Variants in PRKN observed in about 807,000 individuals in gnomAD.
PRKN encodes the protein parkin RBR E3 ubiquitin protein ligase, also known as E3 ubiquitin-protein ligase parkin.
PRKN carries 56 observed loss-of-function variants against 59.5 expected under a neutral mutation model. The ratio of observed to expected loss-of-function variants is 0.94; its 90% CI spans 0.76 to 1.18. PRKN has a LOEUF of 1.18. Among genes scored for constraint, PRKN ranks in the 50% most tolerant of loss-of-function variants. PRKN has a pLI of 0.00. For missense variants in PRKN, 657 were observed against 596.4 expected (o/e 1.10, Z -1.06); for synonymous variants, 250 against 222.1 (o/e 1.13, Z -1.12).
At chr6:162,165,457 A>G (rs934803042) in intron 4 of PRKN, among the ~76,000 whole-genome samples, 1 of 149,506 alleles carries the variant, frequency 6.7e-6, no homozygotes, top group Admixed American at 6.7e-5. Flanking sequence ...TTCCAGAACA[A>G]TATATACATT....
intron 7 of PRKN, among the ~76,000 whole-genome samples, chr6:161,779,440 C>CTTTTTTTGTTTTT (rs1790102732): frequency 2.4e-5 from 1 of 41,848 alleles, no homozygotes; most frequent in Non-Finnish European, 3.9e-5. Context: ...CTTTTCTTTT[C>CTTTTTTTGTTTTT]TTTTTTTTTT....
intron 4 of PRKN, among the ~76,000 whole-genome samples, chr6:162,079,380 A>G (rs922964085): frequency 6.6e-6 from 1 of 152,108 alleles, no homozygotes; most frequent in African/African-American, 2.4e-5. Context: ...TTGTTCTTGT[A>G]ATTTGTAAAT....
chr6:161,401,243 C>T lies in PRKN; in HGVS notation c.1084-14366G>A, dbSNP rs1338915456. Among the ~76,000 whole-genome samples the T allele has an allele frequency of 2.0e-5, 3 of 152,114 alleles. No individual in the cohort carries two copies. The highest frequency in any genetic ancestry group is 6.5e-5 in the Admixed American group (1 of 15,278). Reference sequence around the variant, plus strand: ...ACTTTCATTTGTGATAGTTCAGTCACGTCCTGGGGAATTGAGGAGAAGATC... The same window carrying T: ...ACTTTCATTTGTGATAGTTCAGTCATGTCCTGGGGAATTGAGGAGAAGATC... On this transcript the variant is annotated intron_variant, in intron 9 of 11. Transcript: ENST00000366898. This position sits in a 1 kb window ranked among gnomAD's most constrained non-coding sequence, Gnocchi z 4.4.
chr6:162,598,503 A>C (rs1329975418), intron 1 of PRKN, among the ~76,000 whole-genome samples: 1 of 152,204 alleles, frequency 6.6e-6, no homozygotes, highest in East Asian at 1.9e-4. Context: ...GTAAATAATA[A>C]TTAGTTCTAT....
intron 2 of PRKN, among the ~76,000 whole-genome samples, chr6:162,361,500 G>A (rs1315674883): frequency 6.6e-6 from 1 of 152,114 alleles, no homozygotes; most frequent in Admixed American, 6.6e-5. Context: ...CAATCACCTT[G>A]ATCTTGAACG....
chr6:162,084,670 G>A (rs2128294423), intron 4 of PRKN, among the ~76,000 whole-genome samples: 1 of 152,142 alleles, frequency 6.6e-6, no homozygotes, highest in Non-Finnish European at 1.5e-5. Context: ...TTACACTACT[G>A]CTATATTCAA....
intron 7 of PRKN, among the ~76,000 whole-genome samples, chr6:161,651,796 T>C (rs1408340937): frequency 1.3e-5 from 2 of 152,212 alleles, no homozygotes; most frequent in Non-Finnish European, 2.9e-5. Context: ...TGTCTCTATA[T>C]ACTGTTTCTT....
At chr6:162,375,144 T>C (rs1161698641) in intron 2 of PRKN, among the ~76,000 whole-genome samples, 3 of 152,126 alleles carry the variant, frequency 2.0e-5, no homozygotes, top group African/African-American at 7.2e-5. Context: ...GACTGTCCCA[T>C]TTATTTTAAA....
chr6:162,437,779 T>C (rs1789849427), intron 2 of PRKN, among the ~76,000 whole-genome samples: 1 of 152,190 alleles, frequency 6.6e-6, no homozygotes, highest in Non-Finnish European at 1.5e-5. Context: ...TTTTTACTGC[T>C]GAGTAATATT....
chr6:161,733,798 G>GTATATATATATATATA lies in PRKN; in HGVS notation c.871+51958_871+51973dup, dbSNP rs10597402. Among the ~76,000 whole-genome samples the GTATATATATATATATA allele has an allele frequency of 1.9e-4, 23 of 122,364 alleles. No individual in the cohort carries two copies. The East Asian group carries it at 4.0e-3, about 21-fold the overall frequency. 80.3% of individuals were successfully genotyped at this position (122,364 alleles called of 152,430 possible). A position where few individuals can be genotyped will look rare whatever the true frequency, so the allele number is the denominator to read the frequency against. The stretch of plus-strand genomic sequence containing the variant: ...AAAAAAAAAAAATATATATATATAT[G>GTATATATATATATATA]TATATATATATATATATATATATGT... On this transcript the variant is annotated intron_variant, in intron 7 of 11. Transcript: ENST00000366898.
In PRKN at chr6:162,373,607, T is replaced by G. The variant is rs527662320; in HGVS notation, c.171+69703A>C. On this transcript the variant is annotated intron_variant, in intron 2 of 11. Coordinates refer to ENST00000366898, the MANE Select transcript of PRKN (RefSeq NM_004562.3). ...GAAAAAGAAAGTTATGAGAAACTGA[T>G]GACTGCCTATGTAATACTTCCTTTA... Among the ~76,000 whole-genome samples the G allele has an allele frequency of 1.1e-3, 165 of 152,292 alleles. 4 individuals are homozygous for G. The South Asian group carries it at 0.033, about 31-fold the overall frequency.
Position 161,718,084 on chromosome 6 carries a change from T to C in PRKN, c.871+67688A>G, listed in dbSNP as rs150493706. 7.9e-4 allele frequency among the ~76,000 whole-genome samples: 121 copies of C among 152,338 alleles called. 1 individual carries two copies. Among genetic ancestry groups the C allele is most frequent in the African/African-American group, 2.5e-3 (106 of 41,576 alleles). ...TTATAAATATTTTATATTCATACAA[T>C]GTGCCTTGCGATGGTTGGAAGATAC... On this transcript the variant is annotated intron_variant, in intron 7 of 11. Coordinates refer to ENST00000366898, the MANE Select transcript of PRKN (RefSeq NM_004562.3).
At chr6:162,043,505 G>C (rs1784142469) in intron 5 of PRKN, among the ~76,000 whole-genome samples, 2 of 152,158 alleles carry the variant, frequency 1.3e-5, no homozygotes, top group South Asian at 4.1e-4. Flanking sequence ...CTTCACAAAT[G>C]GACAAATGGA....
chr6:161,891,202 G>T (rs546891674), intron 6 of PRKN, among the ~76,000 whole-genome samples: 2 of 152,256 alleles, frequency 1.3e-5, no homozygotes, highest in African/African-American at 4.8e-5. Flanking sequence ...GGACCCCAGG[G>T]GGGCCACAGC....
chr6:162,380,437 A>G (rs1478020627), intron 2 of PRKN, among the ~76,000 whole-genome samples: 1 of 124,492 alleles, frequency 8.0e-6, no homozygotes, highest in Admixed American at 7.8e-5. Context: ...ATGTGTGTAT[A>G]TATATATATG....
chr6:162,527,927 C>G (rs554799244), intron 1 of PRKN, among the ~76,000 whole-genome samples: 1 of 151,968 alleles, frequency 6.6e-6, no homozygotes, highest in African/African-American at 2.4e-5. Flanking sequence ...GCCTGGGCCT[C>G]CTTCCACCAC....
In PRKN at chr6:162,719,100, C is replaced by T. The variant is rs565373486; in HGVS notation, c.7+8562G>A. 2.2e-4 allele frequency among the ~76,000 whole-genome samples: 34 copies of T among 152,256 alleles called. No homozygotes were observed. In the South Asian group the frequency reaches 4.1e-3, roughly 19 times the overall value. ...GTGGAAAGCCCACAACAGATCTCTACGAAATATCACTCTCTGTATCATATG... is the reference window on the plus strand; with the variant it reads ...GTGGAAAGCCCACAACAGATCTCTATGAAATATCACTCTCTGTATCATATG... On this transcript the variant is annotated intron_variant, in intron 1 of 11. Transcript: ENST00000366898.
chr6:161,960,262 T>G (rs1192011122), intron 6 of PRKN, among the ~76,000 whole-genome samples: 1 of 152,220 alleles, frequency 6.6e-6, no homozygotes, highest in Non-Finnish European at 1.5e-5. Flanking sequence ...AGGCAAAAGA[T>G]GGCAGAGCCA....
chr6:162,156,738 C>A (rs910019924), intron 4 of PRKN, among the ~76,000 whole-genome samples: 4 of 152,116 alleles, frequency 2.6e-5, no homozygotes, highest in East Asian at 1.9e-4. Context: ...CACCCAGGAA[C>A]AATACTTTGC....
Sources: gnomAD v4.1 joint callset for allele counts (sites outside exome capture counted in the v4.1 genomes callset) on GRCh38, gnomAD v4.1.1 for gene constraint, Gnocchi (gnomAD v3.1) non-coding constraint, MANE v1.5 for transcripts, NCBI Gene and HGNC (gene_info 2026-07-23, HGNC 2026-07-21) for gene names.